Variants in FARS2 observed in about 807,000 individuals in gnomAD.
FARS2 encodes phenylalanyl-tRNA synthetase 2, mitochondrial.
A neutral mutation model predicts 46.4 loss-of-function variants in FARS2; 40 were observed. The ratio of observed to expected loss-of-function variants is 0.86; its 90% confidence interval spans 0.67 to 1.12. The LOEUF (loss-of-function observed/expected upper bound fraction) is 1.12. FARS2 is among the 50% of genes most tolerant of loss of function. The pLI is 0.00. For missense variants in FARS2, 513 were observed against 567.9 expected, an observed-to-expected ratio of 0.90 and a Z score of 0.98; for synonymous variants, 234 against 214.9, an observed-to-expected ratio of 1.09 and a Z score of -0.78.
intron 6 of FARS2, among the ~76,000 whole-genome samples, chr6:5,691,647 TGAG>T: frequency 6.6e-6 from 1 of 152,220 alleles, no homozygotes; most frequent in East Asian, 1.9e-4. Context: ...GGGACCCACT[TGAG>T]GAGGCAGTCT....
At position 5,771,567 on chromosome 6, in the gene FARS2, A is replaced by T. The variant is rs1393253353; in HGVS notation, c.*138A>T. On this transcript the variant is annotated 3_prime_UTR_variant, in exon 7 of 7. Coordinates refer to ENST00000274680, the MANE Select transcript of FARS2 (RefSeq NM_006567.5). ...TTTTAGGACTTTCAGAAAATAAAAGATCGCTCTTGAAAAGCTGTTGACATA... is the reference window on the plus strand; with the variant it reads ...TTTTAGGACTTTCAGAAAATAAAAGTTCGCTCTTGAAAAGCTGTTGACATA... 4.3e-6 allele frequency: 4 copies of T among 929,376 alleles called. No individual in the cohort carries two copies. The highest frequency in any genetic ancestry group is 6.3e-6 in the Non-Finnish European group (4 of 636,034). 57.6% of individuals were successfully genotyped at this position (929,376 alleles called of 1,614,324 possible). A position where few individuals can be genotyped will look rare whatever the true frequency, so the allele number is the denominator to read the frequency against.
chr6:5,460,231 C>T (rs750531348), intron 4 of FARS2, among the ~76,000 whole-genome samples: 37 of 152,202 alleles, frequency 2.4e-4, no homozygotes, highest in Non-Finnish European at 4.1e-4. Context: ...TGAACTGACT[C>T]TCAATACATT....
chr6:5,319,647 T>C (rs578173373), intron 1 of FARS2, among the ~76,000 whole-genome samples: 1 of 152,290 alleles, frequency 6.6e-6, no homozygotes, highest in African/African-American at 2.4e-5. Context: ...AAACTCTCAC[T>C]CCTGCTCTAA....
chr6:5,426,610 G>T (rs141861097), intron 3 of FARS2, among the ~76,000 whole-genome samples: 46 of 152,254 alleles, frequency 3.0e-4, no homozygotes, highest in Admixed American at 1.0e-3. Flanking sequence ...CTCTGTTAAT[G>T]TGTCAATGTA....
chr6:5,269,452 A>G (rs1447007782), intron 1 of FARS2, among the ~76,000 whole-genome samples: 2 of 110,912 alleles, frequency 1.8e-5, no homozygotes, highest in Non-Finnish European at 3.8e-5. Context: ...TAGAACTTAA[A>G]GTATAATAAA....
chr6:5,580,072 A>AC (rs1773235906), intron 5 of FARS2, among the ~76,000 whole-genome samples: 1 of 151,964 alleles, frequency 6.6e-6, no homozygotes, highest in African/African-American at 2.4e-5. Context: ...CAGGCGGATC[A>AC]TGAGGTCAAG....
intron 6 of FARS2, among the ~76,000 whole-genome samples, chr6:5,760,132 CTT>C (rs1762408093): frequency 6.6e-6 from 1 of 152,186 alleles, no homozygotes; most frequent in African/African-American, 2.4e-5. Context: ...ACAAATTTCT[CTT>C]TACCGATGTG....
chr6:5,454,996 C>T (rs1279181805), intron 4 of FARS2, among the ~76,000 whole-genome samples: 1 of 152,180 alleles, frequency 6.6e-6, no homozygotes, highest in African/African-American at 2.4e-5. Flanking sequence ...GTCATTGATT[C>T]TAGCTTCCCC....
chr6:5,563,995 C>G (rs539738442), intron 5 of FARS2, among the ~76,000 whole-genome samples: 11 of 152,302 alleles, frequency 7.2e-5, no homozygotes, highest in African/African-American at 2.6e-4. Context: ...TCATTTAAAA[C>G]TGCATTACTA....
At chr6:5,282,624 GGGCCCGTGTGGAGCACTTTGATA>G (rs1766818818) in intron 1 of FARS2, among the ~76,000 whole-genome samples, 1 of 152,210 alleles carries the variant, frequency 6.6e-6, no homozygotes, top group African/African-American at 2.4e-5. Context: ...AAAGGGGCTT[GGGCCCGTGTGGAGCACTTTGATA>G]GGCTAAGTGG....
chr6:5,640,485 A>G (rs1408575985), intron 6 of FARS2, among the ~76,000 whole-genome samples: 1 of 152,228 alleles, frequency 6.6e-6, no homozygotes. Flanking sequence ...TCCCTATAAC[A>G]GACTGGAGGC....
chr6:5,271,586 G>A (rs532271661), intron 1 of FARS2, among the ~76,000 whole-genome samples: 4 of 126,562 alleles, frequency 3.2e-5, no homozygotes, highest in East Asian at 2.4e-4. Flanking sequence ...TTTTTGAGGC[G>A]GAGTCTCGCT....
chr6:5,275,551 CTT>C (rs1005753828), intron 1 of FARS2, among the ~76,000 whole-genome samples: 1 of 152,030 alleles, frequency 6.6e-6, no homozygotes, highest in Non-Finnish European at 1.5e-5. Flanking sequence ...CTCAGTAAAT[CTT>C]TGTTAAATGA....
chr6:5,765,627 G>A lies in FARS2; in HGVS notation c.1218-5664G>A, dbSNP rs1762713382. On this transcript the variant is annotated intron_variant, in intron 6 of 6. Transcript: ENST00000274680. The surrounding 1 kb of genome is among the most constrained non-coding windows in gnomAD (Gnocchi z 4.0). Reference sequence around the variant, plus strand: ...GGTGGGAGAAATTATGCACTGAAGAGCAAATCTCGGGAGAACATGAGGTTC... The same window carrying A: ...GGTGGGAGAAATTATGCACTGAAGAACAAATCTCGGGAGAACATGAGGTTC... 6.6e-6 allele frequency among the ~76,000 whole-genome samples: 1 copy of A among 152,180 alleles called. No homozygotes were observed. The highest frequency in any genetic ancestry group is 1.5e-5 in the Non-Finnish European group (1 of 68,038).
At chr6:5,461,752 G>A (rs1391888886) in intron 4 of FARS2, among the ~76,000 whole-genome samples, 1 of 152,154 alleles carries the variant, frequency 6.6e-6, no homozygotes, top group Non-Finnish European at 1.5e-5. Flanking sequence ...CATCCTATTA[G>A]CATGTCTCAG....
At chr6:5,260,598 T>C (rs1417138660), upstream of FARS2, 98 of 1,105,374 alleles carry the variant, frequency 8.9e-5, no homozygotes, top group Middle Eastern at 2.9e-4. Context: ...GCACCCCCGG[T>C]CCCCGGCCCC....
At position 5,432,331 on chromosome 6, in the gene FARS2, T is replaced by A. The variant is rs1188828535; in HGVS notation, c.904+1159T>A. On this transcript the variant is annotated intron_variant, in intron 4 of 6. Coordinates refer to ENST00000274680, the MANE Select transcript of FARS2 (RefSeq NM_006567.5). ...CTCAGTCTTAAAAAAAAAAAAAATA[T>A]ATATATATATATATATATATTATAT... Among the ~76,000 whole-genome samples, 19 of 35,292 alleles carry A rather than the reference T, an allele frequency of 5.4e-4. No homozygotes were observed. The South Asian group carries it at 0.013, about 24-fold the overall frequency. The allele number at this position is 35,292 out of a possible 152,430, so 23.2% of individuals were successfully genotyped here. A position where few individuals can be genotyped will look rare whatever the true frequency, so the allele number is the denominator to read the frequency against.
chr6:5,748,679 G>C (rs1472152230), intron 6 of FARS2, among the ~76,000 whole-genome samples: 1 of 152,264 alleles, frequency 6.6e-6, no homozygotes, highest in Non-Finnish European at 1.5e-5. Context: ...CTACTAGTCA[G>C]TGACAGAGCC....
intron 6 of FARS2, among the ~76,000 whole-genome samples, chr6:5,625,474 G>T (rs954782525): frequency 2.0e-5 from 3 of 152,182 alleles, no homozygotes; most frequent in African/African-American, 7.2e-5. Flanking sequence ...AGAAGGCAAG[G>T]GGCCAGCATA....
Sources: allele counts gnomAD v4.1 joint callset (sites outside exome capture counted in the v4.1 genomes callset), GRCh38; gene constraint gnomAD v4.1.1; non-coding constraint Gnocchi (gnomAD v3.1); transcripts MANE v1.5; gene names NCBI Gene and HGNC (gene_info 2026-07-23, HGNC 2026-07-21).